Variants in DNAH7 observed in about 807,000 individuals in gnomAD.
DNAH7 encodes dynein axonemal heavy chain 7, also known as axonemal beta dynein heavy chain 7.
DNAH7 carries 397 observed loss-of-function variants against 444.6 expected under a neutral mutation model. The observed-to-expected ratio is 0.89, with a 90% confidence interval of 0.82 to 0.97. The LOEUF (loss-of-function observed/expected upper bound fraction) is 0.97, where lower values mean the gene tolerates loss of function less well. DNAH7 is among the 50% of genes least tolerant of loss of function. The pLI is 0.00. For synonymous variants in DNAH7, 1,636 were observed against 1,624.4 expected (o/e 1.01, Z -0.17); for missense variants, 4,902 against 4,800.8 (o/e 1.02, Z -0.62).
intron 61 of DNAH7, among the ~76,000 whole-genome samples, chr2:195,765,201 C>A (rs1284245783): frequency 6.6e-6 from 1 of 152,060 alleles, no homozygotes; most frequent in Non-Finnish European, 1.5e-5. Context: ...TGAAACCAGA[C>A]CCCCATCTTG....
chr2:196,015,225 G>A (rs1694943568), intron 9 of DNAH7, among the ~76,000 whole-genome samples: 1 of 152,126 alleles, frequency 6.6e-6, no homozygotes, highest in East Asian at 1.9e-4. Flanking sequence ...GGGGAAAACA[G>A]TTTCTCAGTA....
chr2:195,759,025 C>T (rs6759137), intron 61 of DNAH7, among the ~76,000 whole-genome samples: 21 of 152,084 alleles, frequency 1.4e-4, no homozygotes, highest in African/African-American at 3.6e-4. Flanking sequence ...TAGTGGCTTG[C>T]GGGGGGCATG....
At chr2:195,788,425 T>C (rs530015074) in intron 57 of DNAH7, among the ~76,000 whole-genome samples, 22 of 152,234 alleles carry the variant, frequency 1.4e-4, no homozygotes, top group Admixed American at 2.6e-4. Context: ...TTATACTTCT[T>C]GGTTTCTGAA....
At chr2:195,744,323 C>T (rs1163456286) in intron 63 of DNAH7, among the ~76,000 whole-genome samples, 6 of 152,264 alleles carry the variant, frequency 3.9e-5, no homozygotes, top group Non-Finnish European at 7.3e-5. Flanking sequence ...GGGCGCCCGC[C>T]ATTGCCCAGG....
At chr2:195,975,850 C>A (rs915375298) in intron 15 of DNAH7, among the ~76,000 whole-genome samples, 21 of 152,122 alleles carry the variant, frequency 1.4e-4, no homozygotes, top group African/African-American at 5.1e-4. Context: ...GGGATGCAGT[C>A]CTGGCACAAT....
At chr2:195,986,054 T>C (rs1351910069) in intron 14 of DNAH7, among the ~76,000 whole-genome samples, 2 of 152,194 alleles carry the variant, frequency 1.3e-5, no homozygotes, top group East Asian at 3.8e-4. Flanking sequence ...ACCCACACTG[T>C]ACACCTGACG....
chr2:195,907,593 C>T (rs1163389480), intron 25 of DNAH7, among the ~76,000 whole-genome samples: 1 of 152,026 alleles, frequency 6.6e-6, no homozygotes, highest in Non-Finnish European at 1.5e-5. Context: ...ACTGAACATA[C>T]ATTTTATAGA....
intron 3 of DNAH7, among the ~76,000 whole-genome samples, chr2:196,050,206 C>G (rs1161126127): frequency 6.6e-6 from 1 of 152,056 alleles, no homozygotes; most frequent in Non-Finnish European, 1.5e-5. Flanking sequence ...TGGATGAACC[C>G]TGAAGACATT....
At chr2:195,817,873 T>A in intron 49 of DNAH7, 44 bp from the exon 50 acceptor site, 1 of 1,441,754 alleles carries the variant, frequency 6.9e-7, no homozygotes, top group Non-Finnish European at 9.3e-7. Flanking sequence ...TTATTTCTGT[T>A]AAAAAGTCTC....
At chr2:195,912,899 T>A (rs1025135961) in intron 24 of DNAH7, among the ~76,000 whole-genome samples, 1 of 152,126 alleles carries the variant, frequency 6.6e-6, no homozygotes, top group African/African-American at 2.4e-5. Flanking sequence ...TCAGCCTGAG[T>A]CAGGCTTGAG....
chr2:195,997,241 G>C (rs1378896583), intron 12 of DNAH7, among the ~76,000 whole-genome samples: 1 of 152,140 alleles, frequency 6.6e-6, no homozygotes, highest in Non-Finnish European at 1.5e-5. Flanking sequence ...GGCCACGCAT[G>C]GTGGCTCATG....
chr2:195,931,734 A>G (rs930936484), intron 21 of DNAH7, among the ~76,000 whole-genome samples: 5 of 152,054 alleles, frequency 3.3e-5, no homozygotes, highest in African/African-American at 9.7e-5. Context: ...GATAGTTGTA[A>G]ATATGTGGCA....
chr2:195,746,530 C>G (rs930998136), intron 63 of DNAH7, among the ~76,000 whole-genome samples: 108 of 152,322 alleles, frequency 7.1e-4, no homozygotes, highest in Non-Finnish European at 1.1e-3. Flanking sequence ...CACCCCAAAT[C>G]AACAGAATAT....
chr2:195,744,858 TCAC>T (rs1693292415), intron 63 of DNAH7, among the ~76,000 whole-genome samples: 1 of 152,002 alleles, frequency 6.6e-6, no homozygotes, highest in African/African-American at 2.4e-5. Context: ...CATCTGTACA[TCAC>T]CATCATCAAA....
intron 25 of DNAH7, among the ~76,000 whole-genome samples, chr2:195,908,727 C>T (rs527826424): frequency 2.6e-5 from 4 of 152,160 alleles, no homozygotes; most frequent in African/African-American, 9.6e-5. Context: ...GGGAATATTG[C>T]TCATTTCAAC....
chr2:195,817,665 T>C (rs753666639), intron 50 of DNAH7, 31 bp downstream of exon 50: 1 of 1,565,892 alleles, frequency 6.4e-7, no homozygotes, highest in South Asian at 1.2e-5. Flanking sequence ...TAGAAACAAA[T>C]AAGAATAGTT....
rs373832851 is a variant in DNAH7 at position 195,876,527 on chromosome 2, G to T, written c.6117+17C>A. The T allele has an allele frequency of 1.2e-4, 194 of 1,612,604 alleles. No individual in the cohort carries two copies. The highest frequency in any genetic ancestry group is 1.6e-4 in the Non-Finnish European group (187 of 1,179,188). ...ATGTATATGAATAGGCCCGGGTACT[G>T]TACAAAGAGTCATTACCATTCTCTT... On this transcript the variant is annotated intron_variant, in intron 37 of 64. Transcript: ENST00000312428.
At chr2:195,961,296 T>C (rs1339641410) in intron 17 of DNAH7, among the ~76,000 whole-genome samples, 1 of 152,202 alleles carries the variant, frequency 6.6e-6, no homozygotes, top group Non-Finnish European at 1.5e-5. Flanking sequence ...TACAATACAT[T>C]GCTATTAGCT....
At chr2:196,008,071 T>G (rs1694494164) in intron 10 of DNAH7, among the ~76,000 whole-genome samples, 1 of 152,066 alleles carries the variant, frequency 6.6e-6, no homozygotes, top group Non-Finnish European at 1.5e-5. Flanking sequence ...AAATATCAGA[T>G]ATTTTACATG....
Sources: gnomAD v4.1 joint callset for allele counts (sites outside exome capture counted in the v4.1 genomes callset) on GRCh38, gnomAD v4.1.1 for gene constraint, MANE v1.5 for transcripts, NCBI Gene and HGNC (gene_info 2026-07-23, HGNC 2026-07-21) for gene names.